The following PPM1D variants were observed in gnomAD, a reference collection of about 807,000 sequenced individuals.
PPM1D encodes protein phosphatase 1D.
Under a neutral mutation model 58.3 loss-of-function variants are expected in PPM1D, and 52 were observed. That is an observed-to-expected ratio of 0.89 (90% confidence interval 0.71 to 1.12). The LOEUF is 1.12. PPM1D is among the 50% of genes most tolerant of loss of function. The pLI is 0.00. For synonymous variants in PPM1D, 278 were observed against 285.1 expected, an observed-to-expected ratio of 0.98 and a Z score of 0.25; for missense variants, 564 against 777.2, an observed-to-expected ratio of 0.73 and a Z score of 3.26.
chr17:60,636,790 C>G (rs930391028), intron 3 of PPM1D, among the ~76,000 whole-genome samples: 2 of 151,936 alleles, frequency 1.3e-5, no homozygotes, highest in African/African-American at 2.4e-5. Context: ...TTCCCCCAGC[C>G]TCAGCTTCCC....
rs139022065 is a variant in PPM1D at position 60,647,460 on chromosome 17, T to C, written c.827-432T>C. ...TTGCTAAACTTTTCTATTGTAATAA[T>C]TTATTTTTGGTTTTCCATGTATAAA... is the stretch of plus-strand genomic sequence containing the variant. On this transcript the variant is annotated intron_variant, in intron 3 of 5. Coordinates refer to ENST00000305921, the MANE Select transcript of PPM1D (RefSeq NM_003620.4). Among the ~76,000 whole-genome samples the C allele has an allele frequency of 1.2e-3, 190 of 152,286 alleles. 2 individuals are homozygous for C. Among genetic ancestry groups the C allele is most frequent in the South Asian group, 1.9e-3 (9 of 4,830 alleles).
At chr17:60,646,009 A>G (rs2031244900) in intron 3 of PPM1D, among the ~76,000 whole-genome samples, 2 of 152,022 alleles carry the variant, frequency 1.3e-5, no homozygotes, top group East Asian at 1.9e-4. Flanking sequence ...GCCTGTTGGT[A>G]TACACCTATA....
intron 1 of PPM1D, among the ~76,000 whole-genome samples, chr17:60,619,408 C>T (rs541066239): frequency 8.5e-5 from 13 of 152,206 alleles, no homozygotes; most frequent in Admixed American, 5.2e-4. Flanking sequence ...TTCAGAGGTG[C>T]AATTCCTGAG....
rs768126695 is a variant in PPM1D, at chr17:60,656,791, C to G, written c.1210C>G (p.Gln404Glu). The change falls in exon 5 of 6, where the codon CAA becomes GAA. Residue 404 changes from glutamine (Q) to glutamate (E), a missense_variant. This residue lies in a region of PPM1D where 261 missense variants were observed against 270.1 expected (regional missense o/e 0.97). Coordinates refer to ENST00000305921, the MANE Select transcript of PPM1D (RefSeq NM_003620.4). ...NLTDSPSYNS[Q>E]ETCVMTPSPC... ...GACTGACAGCCCTTCCTATAATAGTCAAGAAACCTGTGTGATGACTCCTTC... is the reference window on the plus strand; with the variant it reads ...GACTGACAGCCCTTCCTATAATAGTGAAGAAACCTGTGTGATGACTCCTTC... 2 of 1,614,044 alleles carry G rather than the reference C, an allele frequency of 1.2e-6. No individual in the cohort carries two copies. The highest frequency in any genetic ancestry group is 2.7e-5 in the African/African-American group (2 of 74,926).
In PPM1D at chr17:60,600,205, C is replaced by T. The variant is rs1262802122; in HGVS notation, c.-210C>T. 1.0e-5 allele frequency: 10 copies of T among 957,484 alleles called. No homozygotes were observed. The highest frequency in any genetic ancestry group is 8.8e-5 in the East Asian group (3 of 34,074). The allele number at this position is 957,484 out of a possible 1,614,324, so 59.3% of individuals were successfully genotyped here. A position where few individuals can be genotyped will look rare whatever the true frequency, so the allele number is the denominator to read the frequency against. On this transcript the variant is annotated 5_prime_UTR_variant, in exon 1 of 6. Transcript: ENST00000305921. ...TGGGGGGAAGCGCAGTGCGCAGGCGCAACTGCCTGGCTCTGCTCGCTCCGG... is the reference window on the plus strand; with the variant it reads ...TGGGGGGAAGCGCAGTGCGCAGGCGTAACTGCCTGGCTCTGCTCGCTCCGG...
intron 2 of PPM1D, among the ~76,000 whole-genome samples, chr17:60,627,754 T>G (rs975565720): frequency 6.6e-6 from 1 of 152,112 alleles, no homozygotes. Context: ...TCCATAAATG[T>G]TTGTCTTTGA....
At chr17:60,611,769 G>C (rs1028886100) in intron 1 of PPM1D, among the ~76,000 whole-genome samples, 3 of 152,102 alleles carry the variant, frequency 2.0e-5, no homozygotes, top group Non-Finnish European at 4.4e-5. Flanking sequence ...AGAGTTAGCA[G>C]GTATCTTCCA....
At chr17:60,624,890 A>G (rs2030775260) in intron 2 of PPM1D, among the ~76,000 whole-genome samples, 1 of 152,194 alleles carries the variant, frequency 6.6e-6, no homozygotes, top group African/African-American at 2.4e-5. Context: ...CTGTAATCCT[A>G]GCACTTTGGG....
chr17:60,613,730 C>T (rs1025145478), intron 1 of PPM1D, among the ~76,000 whole-genome samples: 1 of 152,196 alleles, frequency 6.6e-6, no homozygotes, highest in Non-Finnish European at 1.5e-5. Flanking sequence ...CGCTGCTGGC[C>T]GCAGGCAGTG....
chr17:60,638,739 C>G (rs1346575835), intron 3 of PPM1D, among the ~76,000 whole-genome samples: 3 of 152,106 alleles, frequency 2.0e-5, no homozygotes, highest in African/African-American at 7.2e-5. Flanking sequence ...CATGGAAATA[C>G]TTACTGGCCT....
At chr17:60,613,811 G>A (rs2030513556) in intron 1 of PPM1D, among the ~76,000 whole-genome samples, 3 of 152,186 alleles carry the variant, frequency 2.0e-5, no homozygotes, top group Non-Finnish European at 4.4e-5. Context: ...GCCCACCGGC[G>A]CTGCGCTGGA....
intron 4 of PPM1D, among the ~76,000 whole-genome samples, 174 bp from the exon 5 acceptor site, chr17:60,656,424 GC>G (rs2143718690): frequency 6.7e-6 from 1 of 149,966 alleles, no homozygotes; most frequent in Non-Finnish European, 1.5e-5. Flanking sequence ...CTGCACTTCA[GC>G]CTGGGTGACA....
chr17:60,651,534 A>G (rs2031342427), intron 4 of PPM1D, among the ~76,000 whole-genome samples: 1 of 151,460 alleles, frequency 6.6e-6, no homozygotes, highest in African/African-American at 2.4e-5. Flanking sequence ...AGTAGCTGGG[A>G]CTACAGGCGC....
At chr17:60,612,749 T>C (rs2143633987) in intron 1 of PPM1D, among the ~76,000 whole-genome samples, 1 of 152,274 alleles carries the variant, frequency 6.6e-6, no homozygotes, top group East Asian at 1.9e-4. Flanking sequence ...TCTGTTTTTT[T>C]TTTCAATGAC....
chr17:60,616,175 C>A (rs1461642561), intron 1 of PPM1D, among the ~76,000 whole-genome samples: 1 of 151,356 alleles, frequency 6.6e-6, no homozygotes, highest in African/African-American at 2.4e-5. Flanking sequence ...GTAATCCCAG[C>A]TACTCTGGAA....
chr17:60,613,491 A>G (rs1006549601), intron 1 of PPM1D, among the ~76,000 whole-genome samples: 1 of 152,206 alleles, frequency 6.6e-6, no homozygotes, highest in African/African-American at 2.4e-5. Context: ...GCGCCTCCTC[A>G]GCCTTGGCGC....
At position 60,664,536 on chromosome 17, in the gene PPM1D, C is replaced by A. The variant is rs947904869; in HGVS notation, c.*984C>A. On this transcript the variant is annotated 3_prime_UTR_variant, in exon 6 of 6. Coordinates refer to ENST00000305921, the MANE Select transcript of PPM1D (RefSeq NM_003620.4). ...AATGGTATGTACAAGTTGAGTATCC[C>A]TTATCCAAAATGCTTGGGACCAGAA... 6.6e-6 allele frequency: 1 copy of A among 152,570 alleles called. No individual in the cohort carries two copies. The highest frequency in any genetic ancestry group is 1.9e-4 in the East Asian group (1 of 5,184). The allele number at this position is 152,570 out of a possible 1,614,324, so 9.5% of individuals were successfully genotyped here.
At position 60,600,813 on chromosome 17, in the gene PPM1D, C is replaced by T; in HGVS notation, c.399C>T (p.Ser133=). ...AGAAGCAGAAGGGTTTCACCTCGTC[C>T]GAGCCGGCTAAGGTTTGCGCTGCCA... ...FIKKQKGFTS[S]EPAKVCAAIR... The change falls in exon 1 of 6, where the codon TCC becomes TCT. Residue 133 remains serine, a synonymous_variant. Transcript: ENST00000305921. The T allele has an allele frequency of 6.2e-7, 1 of 1,613,092 alleles. No homozygotes were observed.
At chr17:60,622,897 G>A (rs1301188018) in intron 1 of PPM1D, among the ~76,000 whole-genome samples, 1 of 152,172 alleles carries the variant, frequency 6.6e-6, no homozygotes, top group Non-Finnish European at 1.5e-5. Flanking sequence ...AGGAGTTTGA[G>A]ACCAGCCTGA....
Sources: allele counts gnomAD v4.1 joint callset (sites outside exome capture counted in the v4.1 genomes callset), GRCh38; gene constraint gnomAD v4.1.1; regional missense constraint gnomAD v4.1.1; transcripts MANE v1.5; gene names NCBI Gene and HGNC (gene_info 2026-07-23, HGNC 2026-07-21).